Variants in ERC2 observed in about 807,000 individuals in gnomAD.
The protein encoded by ERC2 is ERC protein 2.
ERC2 carries 42 observed loss-of-function variants against 114.8 expected under a neutral mutation model. The ratio of observed to expected loss-of-function variants is 0.37; its 90% CI spans 0.29 to 0.47. ERC2 has a LOEUF of 0.47. Among genes scored for constraint, ERC2 ranks in the 20% least tolerant of loss-of-function variants. The pLI is 0.99. For missense variants in ERC2, 939 were observed against 1,150.7 expected (o/e 0.82, Z 2.66); for synonymous variants, 454 against 425.5 (o/e 1.07, Z -0.82).
intron 12 of ERC2, among the ~76,000 whole-genome samples, chr3:55,974,507 T>C (rs1465369767): frequency 6.6e-6 from 1 of 152,204 alleles, no homozygotes; most frequent in Non-Finnish European, 1.5e-5. Context: ...TGTGGGGCCA[T>C]GAAGAACTGT....
chr3:55,922,086 A>C (rs1443998494), intron 13 of ERC2, among the ~76,000 whole-genome samples: 2 of 152,148 alleles, frequency 1.3e-5, no homozygotes, highest in African/African-American at 4.8e-5. Context: ...TTCAAACTAA[A>C]TAAGTGGACT....
chr3:56,092,668 T>C (rs993566496), intron 6 of ERC2, among the ~76,000 whole-genome samples: 1 of 152,222 alleles, frequency 6.6e-6, no homozygotes. Context: ...AAGTCAATGT[T>C]ATTTTGCAAC....
chr3:55,930,604 C>G (rs1022542321), intron 13 of ERC2, among the ~76,000 whole-genome samples: 1 of 152,072 alleles, frequency 6.6e-6, no homozygotes, highest in Non-Finnish European at 1.5e-5. Flanking sequence ...AAAATTAGCT[C>G]AAGATGGATT....
chr3:55,704,464 C>A (rs1382233082), intron 15 of ERC2, among the ~76,000 whole-genome samples: 5 of 152,196 alleles, frequency 3.3e-5, no homozygotes, highest in Non-Finnish European at 5.9e-5. Context: ...TTCTATCAGG[C>A]TTTCTTTTCT....
intron 2 of ERC2, among the ~76,000 whole-genome samples, chr3:56,303,972 GA>G (rs2056065157): frequency 6.6e-6 from 1 of 152,140 alleles, no homozygotes; most frequent in African/African-American, 2.4e-5. Flanking sequence ...AAACTTCCAC[GA>G]GTGATGGCCA....
chr3:56,083,156 G>A (rs767814042), intron 6 of ERC2, among the ~76,000 whole-genome samples: 14 of 152,158 alleles, frequency 9.2e-5, no homozygotes, highest in Non-Finnish European at 2.1e-4. Context: ...CAACACAAAT[G>A]TCTATCAGTA....
chr3:55,762,411 C>A (rs968004551), intron 14 of ERC2, among the ~76,000 whole-genome samples: 7 of 152,190 alleles, frequency 4.6e-5, no homozygotes, highest in Non-Finnish European at 1.0e-4. Flanking sequence ...GATATTGAAG[C>A]CACTGAAAAT....
At chr3:55,545,158 A>G (rs1273272434) in intron 17 of ERC2, among the ~76,000 whole-genome samples, 1 of 152,112 alleles carries the variant, frequency 6.6e-6, no homozygotes, top group Admixed American at 6.5e-5. Flanking sequence ...ATCTCTGGAA[A>G]CCAGTGCCCA....
At chr3:56,252,037 C>G (rs2052194730) in intron 3 of ERC2, among the ~76,000 whole-genome samples, 1 of 152,124 alleles carries the variant, frequency 6.6e-6, no homozygotes, top group South Asian at 2.1e-4. Flanking sequence ...GCAGGTGTGT[C>G]TTTGTAACCC....
intron 17 of ERC2, among the ~76,000 whole-genome samples, chr3:55,670,978 TTATG>T (rs1388160817): frequency 6.6e-6 from 1 of 152,110 alleles, no homozygotes; most frequent in Non-Finnish European, 1.5e-5. Flanking sequence ...AATGGCAGGG[TTATG>T]GAGTTGCAGC....
At chr3:55,556,292 T>C (rs1365899851) in intron 17 of ERC2, among the ~76,000 whole-genome samples, 1 of 152,142 alleles carries the variant, frequency 6.6e-6, no homozygotes, top group African/African-American at 2.4e-5. Flanking sequence ...ACTCTAACAA[T>C]GTCAACAGCA....
intron 15 of ERC2, among the ~76,000 whole-genome samples, chr3:55,725,039 A>G (rs1335438141): frequency 6.6e-6 from 1 of 152,182 alleles, no homozygotes; most frequent in Non-Finnish European, 1.5e-5. Context: ...AGAGAGAGAG[A>G]GCACAGTGAG....
intron 10 of ERC2, among the ~76,000 whole-genome samples, chr3:56,000,382 G>A (rs1441625083): frequency 6.6e-6 from 1 of 151,882 alleles, no homozygotes; most frequent in African/African-American, 2.4e-5. Flanking sequence ...AAAAAATTTA[G>A]GCTAAATAAA....
chr3:56,043,130 G>T (rs1223813794), intron 7 of ERC2, among the ~76,000 whole-genome samples: 1 of 152,152 alleles, frequency 6.6e-6, no homozygotes, highest in African/African-American at 2.4e-5. Flanking sequence ...CTAATATAGT[G>T]TAAAGTCATT....
chr3:55,956,152 TA>T (rs1195602619), intron 12 of ERC2, among the ~76,000 whole-genome samples: 1 of 152,240 alleles, frequency 6.6e-6, no homozygotes, highest in Non-Finnish European at 1.5e-5. Flanking sequence ...GAACAGCAAG[TA>T]TTCCAAATAC....
At chr3:55,970,742 G>A (rs1323333649) in intron 12 of ERC2, among the ~76,000 whole-genome samples, 1 of 152,118 alleles carries the variant, frequency 6.6e-6, no homozygotes, top group Non-Finnish European at 1.5e-5. Flanking sequence ...TTGCTAGCGG[G>A]AATGTAAAAT....
intron 15 of ERC2, among the ~76,000 whole-genome samples, chr3:55,703,404 C>T (rs2063325658): frequency 1.3e-5 from 2 of 152,218 alleles, no homozygotes; most frequent in Admixed American, 6.5e-5. Context: ...CATTAGTTCT[C>T]TGGTCTTAGC....
At chr3:56,440,584 A>G (rs1245186867) in intron 1 of ERC2, among the ~76,000 whole-genome samples, 1 of 149,844 alleles carries the variant, frequency 6.7e-6, no homozygotes, top group Non-Finnish European at 1.5e-5. Context: ...TTGGCAGGGC[A>G]TGTTGACTCC....
At chr3:55,988,229 C>T (rs576499927) in intron 11 of ERC2, among the ~76,000 whole-genome samples, 90 of 152,144 alleles carry the variant, frequency 5.9e-4, no homozygotes, top group Non-Finnish European at 7.3e-4. Flanking sequence ...TGACATCTGA[C>T]ATTGGAGATG....
Sources: gnomAD v4.1 joint callset for allele counts (sites outside exome capture counted in the v4.1 genomes callset) on GRCh38, gnomAD v4.1.1 for gene constraint, MANE v1.5 for transcripts, NCBI Gene and HGNC (gene_info 2026-07-23, HGNC 2026-07-21) for gene names.